CLMN: variants seen among roughly 807,000 people sequenced by gnomAD.
CLMN encodes the protein calmin (calponin-like, transmembrane).
CLMN carries 57 observed loss-of-function variants against 92.7 expected under a neutral mutation model. The observed-to-expected ratio is 0.61, with a 90% CI of 0.50 to 0.77. CLMN has a LOEUF of 0.77. Among genes scored for constraint, CLMN ranks in the 30% least tolerant of loss-of-function variants. The pLI, the probability that CLMN is intolerant of heterozygous loss-of-function variation, is 0.00. For missense variants in CLMN, 1,158 were observed against 1,237.5 expected (o/e 0.94, Z 0.96); for synonymous variants, 466 against 470.6 (o/e 0.99, Z 0.13).
At chr14:95,272,465 T>G (rs1166797773) in intron 1 of CLMN, among the ~76,000 whole-genome samples, 1 of 152,236 alleles carries the variant, frequency 6.6e-6, no homozygotes, top group South Asian at 2.1e-4. Context: ...AGGCTTCTCC[T>G]GCACACCTAC....
rs1896653674 is a variant in CLMN at position 95,194,689 on chromosome 14, G to A, written c.2709-93C>T. 2 of 1,170,644 alleles carry A rather than the reference G, an allele frequency of 1.7e-6. No homozygotes were observed. The highest frequency in any genetic ancestry group is 1.5e-5 in the African/African-American group (1 of 65,766). The allele number at this position is 1,170,644 out of a possible 1,614,324, so 72.5% of individuals were successfully genotyped here. On this transcript the variant is annotated intron_variant, in intron 10 of 12. Coordinates refer to ENST00000298912, the MANE Select transcript of CLMN (RefSeq NM_024734.4). The surrounding 1 kb of genome is among the most constrained non-coding windows in gnomAD (Gnocchi z 4.0). ...CCCCCATCCTGGGGTTTCCACGTAT[G>A]GGTTTAGGCAAGCGACAACTTCACA...
chr14:95,232,305 A>G (rs1298474219), intron 1 of CLMN, among the ~76,000 whole-genome samples: 1 of 152,234 alleles, frequency 6.6e-6, no homozygotes, highest in Non-Finnish European at 1.5e-5. Flanking sequence ...GGATTTCAAC[A>G]TATTGAAAGA....
intron 1 of CLMN, among the ~76,000 whole-genome samples, chr14:95,248,099 C>A (rs544671767): frequency 1.4e-5 from 2 of 146,256 alleles, no homozygotes; most frequent in Non-Finnish European, 3.0e-5. Context: ...CTTCAATAAG[C>A]AAACTGCAAA....
At chr14:95,223,689 T>C (rs1204700281) in intron 3 of CLMN, 71 bp downstream of exon 3, 2 of 1,223,838 alleles carry the variant, frequency 1.6e-6, no homozygotes, top group Non-Finnish European at 2.3e-6. Flanking sequence ...GGTATTTGTG[T>C]TGAAAAGAAA....
In CLMN at chr14:95,186,374, G is replaced by C. The variant is rs541670570; in HGVS notation, c.*5190C>G. On this transcript the variant is annotated 3_prime_UTR_variant, in exon 13 of 13. Transcript: ENST00000298912. ...ACGCCCATGTTCTGGGTGGCTGCCCGAGGGGCAGCAAGAGTGTCCTGCTTC... is the reference window on the plus strand; with the variant it reads ...ACGCCCATGTTCTGGGTGGCTGCCCCAGGGGCAGCAAGAGTGTCCTGCTTC... 1 of 152,354 alleles carries C rather than the reference G, an allele frequency of 6.6e-6. No homozygotes were observed. The highest frequency in any genetic ancestry group is 1.9e-4 in the East Asian group (1 of 5,192). 9.4% of individuals were successfully genotyped at this position (152,354 alleles called of 1,614,324 possible).
At chr14:95,283,146 C>T (rs960830370) in intron 1 of CLMN, among the ~76,000 whole-genome samples, 7 of 152,236 alleles carry the variant, frequency 4.6e-5, no homozygotes, top group African/African-American at 1.4e-4. Context: ...AATTGAGTCA[C>T]AGGGGCCTGT....
intron 5 of CLMN, 52 bp downstream of exon 5, chr14:95,215,589 C>G (rs1595578341): frequency 2.0e-6 from 3 of 1,512,538 alleles, no homozygotes; most frequent in Non-Finnish European, 9.2e-7. Context: ...TCTGTGGCTG[C>G]TCAGCAGACA....
intron 1 of CLMN, among the ~76,000 whole-genome samples, chr14:95,306,500 C>T (rs1453725260): frequency 3.3e-5 from 5 of 152,042 alleles, no homozygotes; most frequent in Admixed American, 6.5e-5. Flanking sequence ...ACAGTGACCA[C>T]ACCTGGGTGA....
At chr14:95,205,048 T>C (rs1277401388) in intron 8 of CLMN, among the ~76,000 whole-genome samples, 1 of 152,212 alleles carries the variant, frequency 6.6e-6, no homozygotes, top group Non-Finnish European at 1.5e-5. Flanking sequence ...AATGACTCTG[T>C]GGTACTGCAG....
intron 1 of CLMN, among the ~76,000 whole-genome samples, chr14:95,284,440 G>A (rs917823800): frequency 6.6e-6 from 1 of 152,160 alleles, no homozygotes; most frequent in Admixed American, 6.5e-5. Flanking sequence ...ACCCAGAATG[G>A]TAGATCCACT....
At chr14:95,303,239 A>G (rs1204488915) in intron 1 of CLMN, among the ~76,000 whole-genome samples, 1 of 152,212 alleles carries the variant, frequency 6.6e-6, no homozygotes, top group Non-Finnish European at 1.5e-5. Flanking sequence ...CTCCAACACC[A>G]AACAATGCAT....
chr14:95,312,520 G>C (rs937857931), intron 1 of CLMN, among the ~76,000 whole-genome samples: 4 of 152,076 alleles, frequency 2.6e-5, no homozygotes, highest in Non-Finnish European at 5.9e-5. Context: ...ACTTTCTACA[G>C]GAAGTCCTCC....
chr14:95,210,742 T>A lies in CLMN; in HGVS notation c.746A>T (p.Lys249Met), dbSNP rs773839918. The change falls in exon 7 of 13, where the codon AAG becomes ATG. Residue 249 changes from lysine (K) to methionine (M), a missense_variant. Transcript: ENST00000298912. ...LENSTRENLE[K>M]AFSIAQDALH... ...GGCATCCTGTGCGATGCTGAAAGCC[T>A]TCTCTAGATTTTCTCGTGTGGAATT... is the stretch of plus-strand genomic sequence containing the variant. 6.2e-7 allele frequency: 1 copy of A among 1,610,082 alleles called. No individual in the cohort carries two copies. Among genetic ancestry groups the A allele is most frequent in the Admixed American group, 1.7e-5 (1 of 59,398 alleles).
In CLMN at chr14:95,256,883, G is replaced by A. The variant is rs1002790434; in HGVS notation, c.83-26750C>T. ...GAGCAGGAGCTTGAAGGCCCCATGC[G>A]GTGTTAGCAGATAGGGAAAAGGAGA... On this transcript the variant is annotated intron_variant, in intron 1 of 12. Transcript: ENST00000298912. This position sits in a 1 kb window ranked among gnomAD's most constrained non-coding sequence, Gnocchi z 4.9. Among the ~76,000 whole-genome samples, 2 of 152,164 alleles carry A rather than the reference G, an allele frequency of 1.3e-5. No individual in the cohort carries two copies. Among genetic ancestry groups the A allele is most frequent in the Non-Finnish European group, 2.9e-5 (2 of 68,038 alleles).
At position 95,194,467 on chromosome 14, in the gene CLMN, G is replaced by A. The variant is rs1292825817; in HGVS notation, c.2769+69C>T. On this transcript the variant is annotated intron_variant, in intron 11 of 12. Transcript: ENST00000298912. This position sits in a 1 kb window ranked among gnomAD's most constrained non-coding sequence, Gnocchi z 4.0. ...AGTAATTTCAAAGCTCTGGGCTGGG[G>A]AGGAGGAAGGATGGAAAGGAATTGA... 3 of 1,612,062 alleles carry A rather than the reference G, an allele frequency of 1.9e-6. No homozygotes were observed. The Admixed American group carries it at 5.0e-5, about 27-fold the overall frequency.
At chr14:95,249,654 C>T (rs528249012) in intron 1 of CLMN, among the ~76,000 whole-genome samples, 98 of 151,764 alleles carry the variant, frequency 6.5e-4, no homozygotes, top group African/African-American at 2.2e-3. Flanking sequence ...TGCAGTGGTG[C>T]GATCTCAGCT....
At chr14:95,298,696 T>C (rs1174391882) in intron 1 of CLMN, among the ~76,000 whole-genome samples, 35 of 152,130 alleles carry the variant, frequency 2.3e-4, no homozygotes, top group Admixed American at 2.3e-3. Context: ...AAGAGGTACA[T>C]CTATACCTGC....
chr14:95,263,659 G>A (rs1242111731), intron 1 of CLMN, among the ~76,000 whole-genome samples: 2 of 152,236 alleles, frequency 1.3e-5, no homozygotes, highest in East Asian at 1.9e-4. Flanking sequence ...TGTTCCAGCT[G>A]GAAGGGCATG....
rs569038207 is a variant in CLMN at position 95,208,668 on chromosome 14, G to A, written c.885+727C>T. The stretch of plus-strand genomic sequence containing the variant: ...CATCCTGCTTTGAAACTTAATGCAC[G>A]TTACATGTAAATAGTTCCCCCCTTA... On this transcript the variant is annotated intron_variant, in intron 8 of 12. Coordinates refer to ENST00000298912, the MANE Select transcript of CLMN (RefSeq NM_024734.4). Among the ~76,000 whole-genome samples the A allele has an allele frequency of 2.5e-3, 387 of 152,270 alleles. 1 individual carries two copies. Among genetic ancestry groups the A allele is most frequent in the African/African-American group, 8.4e-3 (347 of 41,534 alleles).
Sources: gnomAD v4.1 joint callset for allele counts (sites outside exome capture counted in the v4.1 genomes callset) on GRCh38, gnomAD v4.1.1 for gene constraint, Gnocchi (gnomAD v3.1) non-coding constraint, MANE v1.5 for transcripts, NCBI Gene and HGNC (gene_info 2026-07-23, HGNC 2026-07-21) for gene names.